DNAH11: variants seen among roughly 807,000 people sequenced by gnomAD.
DNAH11 encodes the protein dynein axonemal heavy chain 11.
A neutral mutation model predicts 526.0 loss-of-function variants in DNAH11; 442 were observed. That is an observed-to-expected ratio of 0.84 (90% CI 0.78 to 0.91). The LOEUF (loss-of-function observed/expected upper bound fraction) is 0.91. Among genes scored for constraint, DNAH11 ranks in the 40% least tolerant of loss-of-function variants. The probability of loss-of-function intolerance (pLI) is 0.00; values close to 1 mark genes in which losing one functional copy is unlikely to be tolerated. For synonymous variants in DNAH11, 2,461 were observed against 1,935.9 expected, an observed-to-expected ratio of 1.27 and a Z score of -7.12; for missense variants, 6,989 against 5,448.7, an observed-to-expected ratio of 1.28 and a Z score of -8.90.
chr7:21,667,670 AT>A (rs1162771639), intron 30 of DNAH11, among the ~76,000 whole-genome samples: 6 of 152,214 alleles, frequency 3.9e-5, no homozygotes, highest in African/African-American at 1.4e-4. Context: ...GAACAGACCA[AT>A]AATACTGACA....
rs74806257 is a variant in DNAH11 at position 21,853,240 on chromosome 7, C to A, written c.11061+609C>A. Among the ~76,000 whole-genome samples the A allele has an allele frequency of 7.5e-3, 1,147 of 152,272 alleles. 12 individuals are homozygous for A. Among genetic ancestry groups the A allele is most frequent in the African/African-American group, 0.026 (1,064 of 41,556 alleles). ...TTGGACTTTCACAGATGACCGTTAA[C>A]CCTTAAAATGCCATTGTTTCAGTGT... is the stretch of plus-strand genomic sequence containing the variant. On this transcript the variant is annotated intron_variant, in intron 67 of 81. Coordinates refer to ENST00000409508, the MANE Select transcript of DNAH11 (RefSeq NM_001277115.2).
chr7:21,589,211 T>G lies in DNAH11; in HGVS notation c.1977T>G (p.Phe659Leu). The stretch of plus-strand genomic sequence containing the variant: ...TAGAAAAACCTTATTCCTACAGATT[T>G]TTGGGCAATCCTGATCACGCTTTAG... ...WSNFASLRYL[F>L]LGNPDHALVY... is the part of the protein sequence containing the mutation. The change falls in exon 12 of 82, where the codon TTT becomes TTG. Residue 659 changes from phenylalanine (F) to leucine (L), a missense_variant. By Grantham distance (22) the Phe-to-Leu change is conservative (BLOSUM62 0). Coordinates refer to ENST00000409508, the MANE Select transcript of DNAH11 (RefSeq NM_001277115.2). 6.3e-7 allele frequency: 1 copy of G among 1,592,932 alleles called. No individual in the cohort carries two copies. The highest frequency in any genetic ancestry group is 8.5e-7 in the Non-Finnish European group (1 of 1,174,756).
intron 28 of DNAH11, among the ~76,000 whole-genome samples, chr7:21,646,469 G>C (rs1219478155): frequency 6.6e-6 from 1 of 152,108 alleles, no homozygotes; most frequent in East Asian, 1.9e-4. Context: ...AGCACATGAA[G>C]GGAAACCCAG....
At chr7:21,666,125 C>A (rs1782412859) in intron 30 of DNAH11, among the ~76,000 whole-genome samples, 1 of 151,944 alleles carries the variant, frequency 6.6e-6, no homozygotes, top group South Asian at 2.1e-4. Flanking sequence ...CCTTGGTTAT[C>A]CCAAATTGTA....
At chr7:21,827,429 A>G (rs1562569611) in intron 65 of DNAH11, among the ~76,000 whole-genome samples, 1 of 151,628 alleles carries the variant, frequency 6.6e-6, no homozygotes, top group East Asian at 1.9e-4. Context: ...ATTTTTTAAA[A>G]TATTATTTAA....
chr7:21,611,178 T>G, intron 20 of DNAH11, among the ~76,000 whole-genome samples: 1 of 152,294 alleles, frequency 6.6e-6, no homozygotes, highest in Non-Finnish European at 1.5e-5. Flanking sequence ...GAGGCAAATT[T>G]GCTGTCTCCT....
intron 63 of DNAH11, among the ~76,000 whole-genome samples, chr7:21,809,859 C>T (rs1789433186): frequency 6.6e-6 from 1 of 152,134 alleles, no homozygotes; most frequent in African/African-American, 2.4e-5. Context: ...AACCACTACA[C>T]CTGGCCTGAT....
chr7:21,702,844 C>T (rs750041443), intron 37 of DNAH11, 42 bp downstream of exon 37: 1 of 1,539,548 alleles, frequency 6.5e-7, no homozygotes, highest in Non-Finnish European at 8.9e-7. Flanking sequence ...GAGTAGCTGG[C>T]CTGCTTCACA....
At chr7:21,728,535 A>C (rs566445065) in intron 45 of DNAH11, among the ~76,000 whole-genome samples, 229 of 152,248 alleles carry the variant, frequency 1.5e-3, no homozygotes, top group Non-Finnish European at 2.2e-3. Flanking sequence ...CTAGGATTAC[A>C]GGCATGAGCC....
intron 26 of DNAH11, 138 bp from the exon 27 acceptor site, chr7:21,637,472 GT>G: frequency 1.6e-6 from 1 of 642,586 alleles, no homozygotes; most frequent in South Asian, 2.1e-5. Context: ...GTAAACAGAT[GT>G]GGTGTCAGAC....
chr7:21,787,695 GATATGTAGTTCTAAGACTAAGACATGAGC>G, intron 60 of DNAH11, 112 bp downstream of exon 60: 1 of 931,060 alleles, frequency 1.1e-6, no homozygotes, highest in East Asian at 2.7e-5. Flanking sequence ...TCTGAATAAG[GATATGTAGTTCTAAGACTAAGACATGAGC>G]ATGTTAGAGT....
chr7:21,890,286 C>A (rs60626359), intron 76 of DNAH11, among the ~76,000 whole-genome samples: 20,377 of 152,160 alleles, frequency 0.13, 1,618 homozygotes, highest in East Asian at 0.34. Flanking sequence ...CTTTTGCCTT[C>A]GCTCATTGCC....
intron 56 of DNAH11, among the ~76,000 whole-genome samples, chr7:21,778,494 C>A (rs1402763075): frequency 6.6e-6 from 1 of 152,158 alleles, no homozygotes; most frequent in South Asian, 2.1e-4. Flanking sequence ...GCCAATTAAT[C>A]TGCAGTCAGG....
At chr7:21,617,578 T>C (rs1785835415) in intron 22 of DNAH11, 41 bp from the exon 23 acceptor site, 1 of 1,608,108 alleles carries the variant, frequency 6.2e-7, no homozygotes, top group African/African-American at 1.3e-5. Flanking sequence ...TATACTGTGT[T>C]ATATCTTGGG....
chr7:21,650,274 T>C (rs1406212947), intron 28 of DNAH11, among the ~76,000 whole-genome samples: 2 of 152,198 alleles, frequency 1.3e-5, no homozygotes. Flanking sequence ...GTGATTTTAT[T>C]TTTGGCAAAA....
At chr7:21,845,391 T>C (rs1218421353) in intron 66 of DNAH11, among the ~76,000 whole-genome samples, 3 of 152,190 alleles carry the variant, frequency 2.0e-5, no homozygotes, top group Non-Finnish European at 4.4e-5. Flanking sequence ...TTGTACGTGG[T>C]GTGAAGTAGG....
At chr7:21,656,971 A>G (rs1782039943) in intron 29 of DNAH11, among the ~76,000 whole-genome samples, 1 of 152,186 alleles carries the variant, frequency 6.6e-6, no homozygotes, top group South Asian at 2.1e-4. Context: ...CCCTCCCAGC[A>G]AACTGCTCAC....
At chr7:21,815,723 A>T (rs76332215) in intron 63 of DNAH11, among the ~76,000 whole-genome samples, 2,743 of 152,304 alleles carry the variant, frequency 0.018, 68 homozygotes, top group African/African-American at 0.057. Flanking sequence ...ATGTTTGGTG[A>T]TTGATGACTG....
chr7:21,878,757 G>C (rs1382858684), intron 74 of DNAH11, among the ~76,000 whole-genome samples: 5 of 152,096 alleles, frequency 3.3e-5, no homozygotes. Flanking sequence ...CTCTGATCCT[G>C]ACCCACAGAG....
Sources: allele counts gnomAD v4.1 joint callset (sites outside exome capture counted in the v4.1 genomes callset), GRCh38; gene constraint gnomAD v4.1.1; transcripts MANE v1.5; gene names NCBI Gene and HGNC (gene_info 2026-07-23, HGNC 2026-07-21).